C1orf21: variants seen among roughly 807,000 people sequenced by gnomAD.
C1orf21 encodes chromosome 1 open reading frame 21.
Under a neutral mutation model 18.7 loss-of-function variants are expected in C1orf21, and 3 were observed. The observed-to-expected ratio is 0.16, with a 90% CI of 0.07 to 0.42. C1orf21 has a LOEUF of 0.42. C1orf21 is among the 10% of genes least tolerant of loss of function. The pLI is 0.99. For missense variants in C1orf21, 104 were observed against 143.6 expected, an observed-to-expected ratio of 0.72 and a Z score of 1.41; for synonymous variants, 41 against 46.4, an observed-to-expected ratio of 0.88 and a Z score of 0.47.
In C1orf21 at chr1:184,621,580, A is replaced by G. The variant is rs565627300; in HGVS notation, c.*2024A>G. The stretch of plus-strand genomic sequence containing the variant: ...CGGGATTTCTTGTTCTTATCAAGCA[A>G]GAATTAAGCACATGCTAAACGTCTT... On this transcript the variant is annotated 3_prime_UTR_variant, in exon 6 of 6. Coordinates refer to ENST00000235307, the MANE Select transcript of C1orf21 (RefSeq NM_030806.4). 1 of 152,686 alleles carries G rather than the reference A, an allele frequency of 6.5e-6. No individual in the cohort carries two copies. Among genetic ancestry groups the G allele is most frequent in the African/African-American group, 2.4e-5 (1 of 41,560 alleles). 9.5% of individuals were successfully genotyped at this position (152,686 alleles called of 1,614,324 possible).
intron 2 of C1orf21, among the ~76,000 whole-genome samples, chr1:184,488,281 G>A (rs971509207): frequency 6.6e-6 from 1 of 152,176 alleles, no homozygotes; most frequent in East Asian, 1.9e-4. Context: ...ATAATATTAT[G>A]CCTCATTTCT....
intron 1 of C1orf21, among the ~76,000 whole-genome samples, chr1:184,414,519 G>T (rs1053512370): frequency 4.6e-5 from 7 of 151,970 alleles, no homozygotes; most frequent in Admixed American, 2.0e-4. Flanking sequence ...TTGAGCATTG[G>T]TCTTACTGTG....
chr1:184,416,511 G>A (rs1656454418), intron 1 of C1orf21, among the ~76,000 whole-genome samples: 1 of 151,868 alleles, frequency 6.6e-6, no homozygotes. Flanking sequence ...ATTTGTCATT[G>A]CTTAAAATTA....
chr1:184,398,418 G>T (rs1656096824), intron 1 of C1orf21, among the ~76,000 whole-genome samples: 1 of 152,118 alleles, frequency 6.6e-6, no homozygotes, highest in Non-Finnish European at 1.5e-5. Context: ...ACTTTTAATT[G>T]TCAACTCCCA....
Position 184,428,741 on chromosome 1 carries a change from T to C in C1orf21, c.-125+41373T>C, listed in dbSNP as rs180946723. On this transcript the variant is annotated intron_variant, in intron 1 of 5. Transcript: ENST00000235307. ...TGTTTCCATAGGTCTGTGGAAAGTC[T>C]GTGGCACACTGGCCTGTGCTTGTGC... is the stretch of plus-strand genomic sequence containing the variant. 5.9e-3 allele frequency among the ~76,000 whole-genome samples: 893 copies of C among 152,294 alleles called. 2 individuals carry two copies. Among genetic ancestry groups the C allele is most frequent in the Non-Finnish European group, 9.3e-3 (630 of 68,022 alleles).
At chr1:184,436,934 G>A (rs1656867629) in intron 1 of C1orf21, among the ~76,000 whole-genome samples, 1 of 152,156 alleles carries the variant, frequency 6.6e-6, no homozygotes, top group African/African-American at 2.4e-5. Flanking sequence ...GTGAGATTGA[G>A]CGGCGGGTTG....
intron 3 of C1orf21, among the ~76,000 whole-genome samples, chr1:184,513,125 A>G (rs988830686): frequency 6.6e-6 from 1 of 152,224 alleles, no homozygotes; most frequent in African/African-American, 2.4e-5. Flanking sequence ...GAAAAAAATT[A>G]TCTTCCATGA....
At chr1:184,547,393 T>G (rs1658741127) in intron 3 of C1orf21, among the ~76,000 whole-genome samples, 1 of 151,886 alleles carries the variant, frequency 6.6e-6, no homozygotes, top group South Asian at 2.1e-4. Flanking sequence ...TGATCCTACT[T>G]CCTTGCCATT....
At chr1:184,505,528 C>T (rs1289105393) in intron 2 of C1orf21, among the ~76,000 whole-genome samples, 3 of 151,220 alleles carry the variant, frequency 2.0e-5, no homozygotes, top group Non-Finnish European at 2.9e-5. Flanking sequence ...TTTGGGAGGC[C>T]GAGGCAGATG....
At chr1:184,603,109 A>G (rs1659606277) in intron 5 of C1orf21, among the ~76,000 whole-genome samples, 1 of 152,220 alleles carries the variant, frequency 6.6e-6, no homozygotes, top group African/African-American at 2.4e-5. Flanking sequence ...GAGCCTGGCC[A>G]TGGGCCCCAG....
chr1:184,421,940 G>A (rs539846074), intron 1 of C1orf21, among the ~76,000 whole-genome samples: 1 of 152,330 alleles, frequency 6.6e-6, no homozygotes, highest in Admixed American at 6.5e-5. Flanking sequence ...TGGAAGCCAT[G>A]TGGATATCTG....
chr1:184,477,471 T>C lies in C1orf21; in HGVS notation c.-39T>C, dbSNP rs1017080099. 4.5e-6 allele frequency: 7 copies of C among 1,550,392 alleles called. No individual in the cohort carries two copies. In the African/African-American group the frequency reaches 6.8e-5, roughly 15 times the overall value. ...AATGTCCCTGTGTCTGTAGAGATGA[T>C]TTGCAGTTCAGCCCGGCTGAAGCTG... On this transcript the variant is annotated 5_prime_UTR_variant, in exon 2 of 6. Coordinates refer to ENST00000235307, the MANE Select transcript of C1orf21 (RefSeq NM_030806.4).
chr1:184,616,061 G>A (rs1454762427), intron 5 of C1orf21, among the ~76,000 whole-genome samples: 1 of 152,030 alleles, frequency 6.6e-6, no homozygotes, highest in Non-Finnish European at 1.5e-5. Context: ...CTTCATCCTT[G>A]CCCCAAGCCT....
chr1:184,484,358 C>G (rs1657702934), intron 2 of C1orf21, among the ~76,000 whole-genome samples: 1 of 152,232 alleles, frequency 6.6e-6, no homozygotes, highest in Admixed American at 6.5e-5. Context: ...TTCTCGACTT[C>G]ATGTCTTTAA....
chr1:184,593,988 G>T (rs1215394747), intron 4 of C1orf21, among the ~76,000 whole-genome samples: 1 of 152,208 alleles, frequency 6.6e-6, no homozygotes, highest in Admixed American at 6.5e-5. Flanking sequence ...GCGAAGTGAG[G>T]GAGTGATAGT....
intron 3 of C1orf21, among the ~76,000 whole-genome samples, chr1:184,552,644 G>A (rs10797977): frequency 0.54 from 82,196 of 152,016 alleles, 22,934 homozygotes; most frequent in African/African-American, 0.7. Flanking sequence ...AAATTTCCCA[G>A]TATTACCCGG....
At chr1:184,398,451 C>A (rs77222082) in intron 1 of C1orf21, among the ~76,000 whole-genome samples, 1 of 152,166 alleles carries the variant, frequency 6.6e-6, no homozygotes, top group Non-Finnish European at 1.5e-5. Flanking sequence ...TTCTCTGCCC[C>A]CTTCCTCGTA....
intron 1 of C1orf21, among the ~76,000 whole-genome samples, chr1:184,441,432 C>T (rs1656943779): frequency 6.6e-6 from 1 of 152,144 alleles, no homozygotes; most frequent in East Asian, 1.9e-4. Flanking sequence ...AGTCATGACA[C>T]AATTCAAATT....
At chr1:184,611,285 G>T (rs1463891548) in intron 5 of C1orf21, among the ~76,000 whole-genome samples, 2 of 152,134 alleles carry the variant, frequency 1.3e-5, no homozygotes, top group African/African-American at 4.8e-5. Context: ...ATGACTTGTT[G>T]TTTGACTATA....
Sources: allele counts gnomAD v4.1 joint callset (sites outside exome capture counted in the v4.1 genomes callset), GRCh38; gene constraint gnomAD v4.1.1; transcripts MANE v1.5; gene names NCBI Gene and HGNC (gene_info 2026-07-23, HGNC 2026-07-21).